Variants in PTPRD observed in about 807,000 individuals in gnomAD.
The protein encoded by PTPRD is protein tyrosine phosphatase receptor type D, also known as receptor-type tyrosine-protein phosphatase delta.
Under a neutral mutation model 214.5 loss-of-function variants are expected in PTPRD, and 34 were observed. The observed-to-expected ratio is 0.16, with a 90% CI of 0.12 to 0.21. The LOEUF (loss-of-function observed/expected upper bound fraction) is 0.21. Among genes scored for constraint, PTPRD ranks in the 10% least tolerant of loss-of-function variants. The probability of loss-of-function intolerance (pLI) is 1.00; values close to 1 mark genes in which losing one functional copy is unlikely to be tolerated. For missense variants in PTPRD, 2,545 were observed against 2,398.7 expected (o/e 1.06, Z -1.27); for synonymous variants, 1,128 against 845.7 (o/e 1.33, Z -5.79).
intron 3 of PTPRD, among the ~76,000 whole-genome samples, chr9:10,168,632 A>G (rs568994986): frequency 2.5e-4 from 38 of 152,356 alleles, no homozygotes; most frequent in Admixed American, 9.1e-4. Context: ...AAATGTTTTA[A>G]TCTTTCATTT....
chr9:8,983,174 A>G (rs563298203), intron 11 of PTPRD, among the ~76,000 whole-genome samples: 25 of 152,160 alleles, frequency 1.6e-4, no homozygotes, highest in African/African-American at 5.8e-4. Context: ...TGTGATTAGC[A>G]ATAATTAGAA....
intron 11 of PTPRD, among the ~76,000 whole-genome samples, chr9:8,817,860 T>A (rs911960591): frequency 6.6e-6 from 1 of 152,124 alleles, no homozygotes; most frequent in Non-Finnish European, 1.5e-5. Flanking sequence ...TCCAAAACAT[T>A]TGACAACTAA....
At chr9:9,450,424 A>C (rs1436396734) in intron 8 of PTPRD, among the ~76,000 whole-genome samples, 1 of 151,920 alleles carries the variant, frequency 6.6e-6, no homozygotes, top group Non-Finnish European at 1.5e-5. Flanking sequence ...CCATGCCAAC[A>C]TCTATTATTT....
At position 8,485,808 on chromosome 9, in the gene PTPRD, C is replaced by T. The variant is rs778883907; in HGVS notation, c.3009G>A (p.Gly1003=). Residue 1003 remains glycine, a synonymous_variant, in exon 28 of 46, where the codon GGG becomes GGA. Transcript: ENST00000381196. ...KVRAHTSKGP[G]PYSPSVQFRT... ...TGAACTGGACACTGGGACTATATGG[C>T]CCGGGCCCTTTGCTCGTATGAGCAC... 2 of 1,613,852 alleles carry T rather than the reference C, an allele frequency of 1.2e-6. No homozygotes were observed. The highest frequency in any genetic ancestry group is 4.5e-5 in the East Asian group (2 of 44,870).
chr9:8,596,135 A>G (rs910455009), intron 14 of PTPRD, among the ~76,000 whole-genome samples: 1 of 152,160 alleles, frequency 6.6e-6, no homozygotes, highest in African/African-American at 2.4e-5. Context: ...ATGCAGGGTA[A>G]TGTGAGGTTC....
chr9:10,531,514 T>C (rs1390954482), intron 2 of PTPRD, among the ~76,000 whole-genome samples: 3 of 152,144 alleles, frequency 2.0e-5, no homozygotes, highest in Non-Finnish European at 4.4e-5. Flanking sequence ...TAAACTACAA[T>C]AAATATGGCA....
At chr9:10,148,835 G>C (rs927058073) in intron 3 of PTPRD, among the ~76,000 whole-genome samples, 18 of 152,106 alleles carry the variant, frequency 1.2e-4, no homozygotes, top group African/African-American at 4.1e-4. Context: ...AGCCAAGTTT[G>C]AGCCCTACTA....
chr9:9,738,925 C>T (rs186184391), intron 6 of PTPRD, among the ~76,000 whole-genome samples: 1 of 152,172 alleles, frequency 6.6e-6, no homozygotes, highest in East Asian at 1.9e-4. Context: ...TCAGTAGATG[C>T]ATTCTGATTT....
chr9:9,355,579 G>A (rs1297255771), intron 9 of PTPRD, among the ~76,000 whole-genome samples: 1 of 151,410 alleles, frequency 6.6e-6, no homozygotes. Flanking sequence ...CTTAGTTTTT[G>A]GACAAGTTTC....
intron 11 of PTPRD, among the ~76,000 whole-genome samples, chr9:9,002,820 C>G (rs1417887559): frequency 6.6e-6 from 1 of 152,044 alleles, no homozygotes; most frequent in African/African-American, 2.4e-5. Flanking sequence ...GAGCCCTGCT[C>G]ATTGCACCCA....
intron 44 of PTPRD, among the ~76,000 whole-genome samples, chr9:8,321,487 G>GTGTATATATATA (rs1168847469): frequency 2.2e-3 from 100 of 44,490 alleles, no homozygotes; most frequent in Non-Finnish European, 2.9e-3. Flanking sequence ...GTGTGTGTGT[G>GTGTATATATATA]TATATATATA....
At chr9:9,974,717 C>A (rs556728435) in intron 4 of PTPRD, among the ~76,000 whole-genome samples, 224 of 152,292 alleles carry the variant, frequency 1.5e-3, no homozygotes, top group African/African-American at 4.8e-3. Flanking sequence ...TTCTACCCTA[C>A]CTAGACTGTG....
chr9:8,748,106 C>A (rs911985661), intron 11 of PTPRD, among the ~76,000 whole-genome samples: 1 of 152,172 alleles, frequency 6.6e-6, no homozygotes, highest in African/African-American at 2.4e-5. Context: ...TGCACAACAA[C>A]TACTATGCCC....
At chr9:8,882,669 G>C (rs1338484788) in intron 11 of PTPRD, among the ~76,000 whole-genome samples, 1 of 152,060 alleles carries the variant, frequency 6.6e-6, no homozygotes, top group Non-Finnish European at 1.5e-5. Flanking sequence ...TGGATCATTT[G>C]AGTCCAGGAG....
At chr9:8,769,861 G>A (rs1035984253) in intron 11 of PTPRD, among the ~76,000 whole-genome samples, 4 of 151,118 alleles carry the variant, frequency 2.6e-5, no homozygotes, top group African/African-American at 7.3e-5. Flanking sequence ...CCAATCCAAG[G>A]ATGCCAGTAA....
chr9:8,477,488 G>A (rs1322610658), intron 30 of PTPRD, among the ~76,000 whole-genome samples: 2 of 152,120 alleles, frequency 1.3e-5, no homozygotes, highest in Admixed American at 6.6e-5. Flanking sequence ...GGTTTTTGTG[G>A]CAGTCCCACT....
intron 44 of PTPRD, among the ~76,000 whole-genome samples, chr9:8,320,320 A>G (rs1006496124): frequency 3.8e-4 from 58 of 152,150 alleles, no homozygotes; most frequent in African/African-American, 1.4e-3. Flanking sequence ...TGCCTACTTA[A>G]TATTTTTAAA....
chr9:8,498,498 G>T (rs556691226), intron 25 of PTPRD, among the ~76,000 whole-genome samples: 1 of 152,096 alleles, frequency 6.6e-6, no homozygotes, highest in South Asian at 2.1e-4. Context: ...GGATGGTCTC[G>T]ATCTCTTGAC....
At chr9:9,906,628 TTTATGATGTTTTAACTCACCTA>T (rs1235691356) in intron 5 of PTPRD, among the ~76,000 whole-genome samples, 6 of 151,972 alleles carry the variant, frequency 3.9e-5, no homozygotes, top group Non-Finnish European at 8.8e-5. Flanking sequence ...AGAGAATTCA[TTTATGATGTTTTAACTCACCTA>T]TCATATAATC....
Sources: allele counts gnomAD v4.1 joint callset (sites outside exome capture counted in the v4.1 genomes callset), GRCh38; gene constraint gnomAD v4.1.1; transcripts MANE v1.5; gene names NCBI Gene and HGNC (gene_info 2026-07-23, HGNC 2026-07-21).